Variants in TMEM221 observed in about 807,000 individuals in gnomAD.
TMEM221 encodes the protein transmembrane protein 221.
A neutral mutation model predicts 10.2 loss-of-function variants in TMEM221; 11 were observed. That is an observed-to-expected ratio of 1.08 (90% confidence interval 0.68 to 1.79). The LOEUF (loss-of-function observed/expected upper bound fraction) is 1.79. Among genes scored for constraint, TMEM221 ranks in the 40% most tolerant of loss-of-function variants. The probability of loss-of-function intolerance (pLI) is 0.00; values close to 1 mark genes in which losing one functional copy is unlikely to be tolerated. For synonymous variants in TMEM221, 172 were observed against 199.8 expected, an observed-to-expected ratio of 0.86 and a Z score of 1.18; for missense variants, 382 against 417.7, an observed-to-expected ratio of 0.91 and a Z score of 0.75.
intron 1 of TMEM221, among the ~76,000 whole-genome samples, chr19:17,445,601 T>C (rs944455046): frequency 2.0e-5 from 3 of 152,078 alleles, no homozygotes; most frequent in African/African-American, 7.2e-5. Context: ...TGTCCACTCA[T>C]CCATCCATCC....
chr19:17,436,985 T>G (rs2074912359), intron 2 of TMEM221, 58 bp from the exon 3 acceptor site: 4 of 1,290,948 alleles, frequency 3.1e-6, no homozygotes, highest in Admixed American at 3.5e-5. Context: ...CTCCAAGCCC[T>G]CAGGGAGTTC....
At chr19:17,441,482 G>A (rs2074931605) in intron 2 of TMEM221, among the ~76,000 whole-genome samples, 1 of 152,148 alleles carries the variant, frequency 6.6e-6, no homozygotes, top group African/African-American at 2.4e-5. Context: ...CTGCAGAGTG[G>A]ATTTGGGATC....
intron 1 of TMEM221, among the ~76,000 whole-genome samples, chr19:17,445,782 CCATT>C (rs1282449714): frequency 6.6e-6 from 1 of 151,832 alleles, no homozygotes; most frequent in Admixed American, 6.6e-5. Flanking sequence ...ATCCATCCAT[CCATT>C]CACTTATCCA....
In TMEM221 at chr19:17,436,906, A is replaced by T; in HGVS notation, c.428T>A (p.Leu143Gln). 1 of 1,431,534 alleles carries T rather than the reference A, an allele frequency of 7.0e-7. No individual in the cohort carries two copies. The highest frequency in any genetic ancestry group is 9.1e-7 in the Non-Finnish European group (1 of 1,095,154). The allele number at this position is 1,431,534 out of a possible 1,614,324, so 88.7% of individuals were successfully genotyped here. ...YLAALSIYALLLFEIETGAAA... is the reference protein window; with the variant it reads ...YLAALSIYALQLFEIETGAAA... ...TGCGCCTGTCTCGATCTCGAAAAGT[A>T]GCAAGGCATAGATGGACAGTGCTAG... The change falls in exon 3 of 3, where the codon CTA (leucine) becomes CAA (glutamine). Residue 143 changes from leucine (L) to glutamine (Q), a missense_variant. By Grantham distance (113) the Leu-to-Gln change is moderately radical. Transcript: ENST00000341130.
chr19:17,437,923 CT>C (rs71336612), intron 2 of TMEM221, among the ~76,000 whole-genome samples: 31,002 of 84,650 alleles, frequency 0.37, 4,019 homozygotes, highest in African/African-American at 0.51. Context: ...TCTTGTTCTT[CT>C]TTTTTTTTTT....
chr19:17,436,500 G>A lies in TMEM221; in HGVS notation c.834C>T (p.Gly278=). The A allele has an allele frequency of 6.5e-7, 1 of 1,533,532 alleles. No individual in the cohort carries two copies. Among genetic ancestry groups the A allele is most frequent in the Non-Finnish European group, 8.7e-7 (1 of 1,145,070 alleles). The allele number at this position is 1,533,532 out of a possible 1,614,324, so 95.0% of individuals were successfully genotyped here. Residue 278 remains glycine (G), a synonymous_variant, in exon 3 of 3, where the codon GGC becomes GGT. Coordinates refer to ENST00000341130, the MANE Select transcript of TMEM221 (RefSeq NM_001190844.2). ...CCTTCCCCATGCTCCCTGGTCTGTGGCCCAGCATTCGACGCATCTCGTGCG... is the reference window on the plus strand; with the variant it reads ...CCTTCCCCATGCTCCCTGGTCTGTGACCCAGCATTCGACGCATCTCGTGCG... ...GVTHEMRRML[G]HRPGSMGKDS...
chr19:17,441,673 C>A (rs534752111), intron 2 of TMEM221, among the ~76,000 whole-genome samples: 1 of 151,948 alleles, frequency 6.6e-6, no homozygotes, highest in African/African-American at 2.4e-5. Flanking sequence ...TTTCCTGCAG[C>A]GTCTAGGGTA....
In TMEM221 at chr19:17,436,399, C is replaced by T. The variant is rs942267163; in HGVS notation, c.*59G>A. 3.8e-5 allele frequency: 53 copies of T among 1,398,312 alleles called. No homozygotes were observed. Among genetic ancestry groups the T allele is most frequent in the African/African-American group, 3.3e-4 (23 of 69,344 alleles). 86.6% of individuals were successfully genotyped at this position (1,398,312 alleles called of 1,614,324 possible). A position where few individuals can be genotyped will look rare whatever the true frequency, so the allele number is the denominator to read the frequency against. Reference sequence around the variant, plus strand: ...GTCCTACTGCTACTGCAGCTGAACCCGAACCTATCTCTATGGTATCCTTTT... The same window carrying T: ...GTCCTACTGCTACTGCAGCTGAACCTGAACCTATCTCTATGGTATCCTTTT... On this transcript the variant is annotated 3_prime_UTR_variant, in exon 3 of 3. Coordinates refer to ENST00000341130, the MANE Select transcript of TMEM221 (RefSeq NM_001190844.2).
chr19:17,445,351 G>A, intron 1 of TMEM221, 67 bp from the exon 2 acceptor site: 1 of 1,337,830 alleles, frequency 7.5e-7, no homozygotes, highest in Non-Finnish European at 1.0e-6. Context: ...AGGTCAGTGA[G>A]GACAGGGAGG....
intron 2 of TMEM221, among the ~76,000 whole-genome samples, chr19:17,442,137 C>T (rs569662595): frequency 4.3e-4 from 65 of 152,162 alleles, no homozygotes; most frequent in South Asian, 3.5e-3. Context: ...CTCCAGGCAT[C>T]GTGTCAAAAG....
intron 2 of TMEM221, among the ~76,000 whole-genome samples, chr19:17,443,677 GA>G (rs1207975749): frequency 6.7e-6 from 1 of 149,494 alleles, no homozygotes; most frequent in African/African-American, 2.5e-5. Flanking sequence ...GTGGGACTAT[GA>G]AAAAAAAACA....
At chr19:17,446,815 T>C (rs2074954839) in intron 1 of TMEM221, among the ~76,000 whole-genome samples, 1 of 152,170 alleles carries the variant, frequency 6.6e-6, no homozygotes, top group Non-Finnish European at 1.5e-5. Flanking sequence ...CACTGCAGCC[T>C]TGACCTCCTG....
At chr19:17,441,449 C>T (rs1387547524) in intron 2 of TMEM221, among the ~76,000 whole-genome samples, 1 of 152,048 alleles carries the variant, frequency 6.6e-6, no homozygotes, top group East Asian at 1.9e-4. Flanking sequence ...TGGAGAATCC[C>T]TGGTTTGGTC....
At chr19:17,442,626 G>C (rs2074936399) in intron 2 of TMEM221, among the ~76,000 whole-genome samples, 1 of 151,762 alleles carries the variant, frequency 6.6e-6, no homozygotes, top group Non-Finnish European at 1.5e-5. Flanking sequence ...ACTTAGTAGA[G>C]ATGGAGTTTC....
At chr19:17,445,642 C>T (rs2074950010) in intron 1 of TMEM221, among the ~76,000 whole-genome samples, 1 of 151,996 alleles carries the variant, frequency 6.6e-6, no homozygotes. Context: ...ATTCATCCAT[C>T]CACCCACTTA....
Position 17,436,521 on chromosome 19 carries a change from G to C in TMEM221, c.813C>G (p.His271Gln). The change falls in exon 3 of 3, where the codon CAC becomes CAG. Residue 271 changes from histidine to glutamine, a missense_variant. By Grantham distance (24) the His-to-Gln change is conservative (BLOSUM62 0). Coordinates refer to ENST00000341130, the MANE Select transcript of TMEM221 (RefSeq NM_001190844.2). ...TGTGGCCCAGCATTCGACGCATCTC[G>C]TGCGTAACCCCGTCCCAGTGCCCCA... ...AGLGHWDGVT[H>Q]EMRRMLGHRP... 6.5e-6 allele frequency: 10 copies of C among 1,535,664 alleles called. No homozygotes were observed. Among genetic ancestry groups the C allele is most frequent in the East Asian group, 2.4e-5 (1 of 40,902 alleles).
chr19:17,447,418 C>A (rs11672649), intron 1 of TMEM221, among the ~76,000 whole-genome samples: 33,458 of 151,950 alleles, frequency 0.22, 3,943 homozygotes, highest in Non-Finnish European at 0.26. Context: ...ATCCATTCCC[C>A]TGCAGGCAGG....
Position 17,445,186 on chromosome 19 carries a change from T to G in TMEM221, c.406+13A>C. Reference sequence around the variant, plus strand: ...CCAGGGTCCCATGCCCCACGTTCTATTCCAGCACACACCTGCTAAATAGAC... The same window carrying G: ...CCAGGGTCCCATGCCCCACGTTCTAGTCCAGCACACACCTGCTAAATAGAC... On this transcript the variant is annotated intron_variant, in intron 2 of 2. Transcript: ENST00000341130. 6.5e-7 allele frequency: 1 copy of G among 1,534,584 alleles called. No individual in the cohort carries two copies. The highest frequency in any genetic ancestry group is 8.7e-7 in the Non-Finnish European group (1 of 1,145,656).
chr19:17,441,562 C>T (rs2074932000), intron 2 of TMEM221, among the ~76,000 whole-genome samples: 1 of 152,190 alleles, frequency 6.6e-6, no homozygotes, highest in Non-Finnish European at 1.5e-5. Context: ...TTAATTGCTT[C>T]CCCTGATGTT....
Sources: allele counts gnomAD v4.1 joint callset (sites outside exome capture counted in the v4.1 genomes callset), GRCh38; gene constraint gnomAD v4.1.1; transcripts MANE v1.5; gene names NCBI Gene and HGNC (gene_info 2026-07-23, HGNC 2026-07-21).